The following WARS2 variants were observed in gnomAD, a reference collection of about 807,000 sequenced individuals.
The protein encoded by WARS2 is tryptophan--tRNA ligase, mitochondrial.
WARS2 carries 28 observed loss-of-function variants against 36.5 expected under a neutral mutation model. That is an observed-to-expected ratio of 0.77 (90% CI 0.57 to 1.05). WARS2 has a LOEUF of 1.05. Ranked by LOEUF, WARS2 falls within the 50% of genes least tolerant of loss-of-function variation. The pLI is 0.00. For missense variants in WARS2, 435 were observed against 456.8 expected (o/e 0.95, Z 0.44); for synonymous variants, 174 against 178.4 (o/e 0.98, Z 0.20).
At chr1:119,085,166 C>T (rs1458320086) in intron 1 of WARS2, 1 of 797,754 alleles carries the variant, frequency 1.3e-6, no homozygotes, top group Admixed American at 1.7e-5. Flanking sequence ...GCCCTCTGTC[C>T]TTATCCCTGG....
intron 1 of WARS2, among the ~76,000 whole-genome samples, chr1:119,101,285 C>G (rs147258288): frequency 2.2e-3 from 335 of 151,962 alleles, no homozygotes; most frequent in African/African-American, 7.4e-3. Context: ...TGTAACAAAA[C>G]TTCACATGTA....
At chr1:119,105,267 G>C (rs964987561) in intron 1 of WARS2, among the ~76,000 whole-genome samples, 1 of 152,258 alleles carries the variant, frequency 6.6e-6, no homozygotes, top group Non-Finnish European at 1.5e-5. Context: ...TCTGTGATGG[G>C]ACTAAATGGA....
chr1:119,132,673 G>T (rs587690551), intron 1 of WARS2, among the ~76,000 whole-genome samples: 2 of 152,258 alleles, frequency 1.3e-5, no homozygotes, highest in East Asian at 3.9e-4. Flanking sequence ...ATATAATAAA[G>T]TTGAACACTC....
chr1:119,126,889 G>A, intron 1 of WARS2: 1 of 808,522 alleles, frequency 1.2e-6, no homozygotes, highest in Non-Finnish European at 2.1e-6. Context: ...TTCCGTACCT[G>A]ATTGTTGCAT....
chr1:119,047,633 A>G (rs1648970573), intron 2 of WARS2: 1 of 152,230 alleles, frequency 6.6e-6, no homozygotes, highest in South Asian at 2.1e-4. Flanking sequence ...ATTATATAAG[A>G]AGGGTAGGAT....
chr1:119,124,590 A>G (rs1571394668), intron 1 of WARS2, among the ~76,000 whole-genome samples: 1 of 152,144 alleles, frequency 6.6e-6, no homozygotes, highest in Non-Finnish European at 1.5e-5. Context: ...AACCATCTTC[A>G]CCACTCACCG....
chr1:119,103,330 C>T (rs1161930280), intron 1 of WARS2, among the ~76,000 whole-genome samples: 1 of 152,170 alleles, frequency 6.6e-6, no homozygotes, highest in Non-Finnish European at 1.5e-5. Flanking sequence ...TGCAGTAGCT[C>T]AAGTTGGTCT....
intron 1 of WARS2, among the ~76,000 whole-genome samples, chr1:119,077,461 C>A (rs887347127): frequency 1.3e-5 from 2 of 151,998 alleles, no homozygotes; most frequent in Non-Finnish European, 2.9e-5. Flanking sequence ...ACTACTATTG[C>A]CTTAAGATTT....
intron 1 of WARS2, among the ~76,000 whole-genome samples, chr1:119,080,309 T>C (rs587657804): frequency 5.3e-5 from 8 of 152,254 alleles, no homozygotes; most frequent in Admixed American, 3.9e-4. Context: ...TATTCCTCCA[T>C]CTTCAAACTC....
chr1:119,048,562 A>G lies in WARS2; in HGVS notation c.349-2900T>C, dbSNP rs538613090. ...CAACATCATGCATAACTACAGCTTA[A>G]TATCACAATGATACAGAAGTGGGGA... On this transcript the variant is annotated intron_variant, in intron 2 of 5. Coordinates refer to ENST00000235521, the MANE Select transcript of WARS2 (RefSeq NM_015836.4). 3.3e-5 allele frequency among the ~76,000 whole-genome samples: 5 copies of G among 152,320 alleles called. No individual in the cohort carries two copies. In the South Asian group the frequency reaches 1.0e-3, roughly 32 times the overall value.
chr1:119,110,635 CT>C (rs1654559962), intron 1 of WARS2, among the ~76,000 whole-genome samples: 1 of 151,750 alleles, frequency 6.6e-6, no homozygotes, highest in African/African-American at 2.4e-5. Context: ...TGCTTTTGCA[CT>C]TATCTTGCTT....
At chr1:119,052,571 ACTTTTT>A (rs1649456134) in intron 2 of WARS2, among the ~76,000 whole-genome samples, 1 of 152,164 alleles carries the variant, frequency 6.6e-6, no homozygotes, top group Non-Finnish European at 1.5e-5. Context: ...AGTTCTCTAT[ACTTTTT>A]CTTAGTCTAA....
At chr1:119,077,692 G>A (rs1366189415) in intron 1 of WARS2, among the ~76,000 whole-genome samples, 1 of 151,626 alleles carries the variant, frequency 6.6e-6, no homozygotes, top group Non-Finnish European at 1.5e-5. Flanking sequence ...TTTTTACTCT[G>A]GTCATATTTT....
chr1:119,076,716 C>A, intron 1 of WARS2, 109 bp from the exon 2 acceptor site: 3 of 1,461,510 alleles, frequency 2.1e-6, no homozygotes, highest in South Asian at 1.3e-5. Context: ...AAACTACAAT[C>A]TGACAGTCAT....
chr1:119,111,314 G>C (rs892165710), intron 1 of WARS2, among the ~76,000 whole-genome samples: 4 of 152,130 alleles, frequency 2.6e-5, no homozygotes, highest in Admixed American at 2.0e-4. Context: ...TTATGATTAG[G>C]TCTCAGTGAT....
At chr1:119,050,795 A>G (rs936668568) in intron 2 of WARS2, among the ~76,000 whole-genome samples, 7 of 152,212 alleles carry the variant, frequency 4.6e-5, no homozygotes, top group African/African-American at 1.7e-4. Flanking sequence ...CATGAAAACA[A>G]TTATAAAAAA....
chr1:119,056,504 AT>A (rs1649824310), intron 2 of WARS2, among the ~76,000 whole-genome samples: 1 of 147,546 alleles, frequency 6.8e-6, no homozygotes, highest in African/African-American at 2.5e-5. Context: ...CATTCTATAT[AT>A]TTGTAGACTT....
chr1:119,085,477 T>G, intron 1 of WARS2: 1 of 1,569,420 alleles, frequency 6.4e-7, no homozygotes, highest in Non-Finnish European at 8.6e-7. Context: ...TTTTGTCTTT[T>G]TTTGCGCTTT....
chr1:119,077,137 C>CA (rs59753812), intron 1 of WARS2, among the ~76,000 whole-genome samples: 70 of 96,862 alleles, frequency 7.2e-4, no homozygotes, highest in Admixed American at 1.6e-3. Flanking sequence ...GACCCCGTCT[C>CA]AAAAAAAAAA....
Sources: allele counts gnomAD v4.1 joint callset (sites outside exome capture counted in the v4.1 genomes callset), GRCh38; gene constraint gnomAD v4.1.1; transcripts MANE v1.5; gene names NCBI Gene and HGNC (gene_info 2026-07-23, HGNC 2026-07-21).